Variants in PCDHA11 observed in about 807,000 individuals in gnomAD.
The protein encoded by PCDHA11 is protocadherin alpha 11, also known as protocadherin alpha-11.
In PCDHA11, 61 loss-of-function variants were observed where a neutral mutation model predicts 70.3. That is an observed-to-expected ratio of 0.87 (90% confidence interval 0.71 to 1.07). The LOEUF is 1.07. Ranked by LOEUF, PCDHA11 falls within the 50% of genes least tolerant of loss-of-function variation. PCDHA11 has a pLI of 0.00. For missense variants in PCDHA11, 1,324 were observed against 1,237.5 expected (o/e 1.07, Z -1.05); for synonymous variants, 633 against 555.1 (o/e 1.14, Z -1.97).
intron 3 of PCDHA11, among the ~76,000 whole-genome samples, chr5:141,006,862 A>G (rs1188678069): frequency 4.6e-5 from 7 of 152,244 alleles, no homozygotes; most frequent in Non-Finnish European, 1.0e-4. Flanking sequence ...TTAGAAAGGA[A>G]TAGATTCGAG....
chr5:140,925,441 T>G (rs1458646143), intron 1 of PCDHA11, among the ~76,000 whole-genome samples: 1 of 152,136 alleles, frequency 6.6e-6, no homozygotes, highest in African/African-American at 2.4e-5. Context: ...TTAGGCAGAA[T>G]TTGGGTGTAT....
Position 140,946,631 on chromosome 5 carries a change from T to TATATATATATATATACAC in PCDHA11, c.2392-32317_2392-32316insTATATATATATATACACA, listed in dbSNP as rs57893927. 8.0e-4 allele frequency among the ~76,000 whole-genome samples: 106 copies of TATATATATATATATACAC among 131,838 alleles called. 2 individuals carry two copies. The East Asian group carries it at 0.018, about 23-fold the overall frequency. 86.5% of individuals were successfully genotyped at this position (131,838 alleles called of 152,430 possible). A position where few individuals can be genotyped will look rare whatever the true frequency, so the allele number is the denominator to read the frequency against. On this transcript the variant is annotated intron_variant, in intron 1 of 3. Transcript: ENST00000398640. ...TGTGAAATATATATATATATATATA[T>TATATATATATATATACAC]ACAATGGAATACTCATCAGCCATTA...
At chr5:140,876,278 C>A (rs1554168451) in intron 1 of PCDHA11, 1 of 1,614,030 alleles carries the variant, frequency 6.2e-7, no homozygotes, top group South Asian at 1.1e-5. Flanking sequence ...GCTTCCGATC[C>A]AGACGAAGGA....
intron 1 of PCDHA11, among the ~76,000 whole-genome samples, chr5:140,922,302 A>G (rs2080767601): frequency 6.6e-6 from 1 of 152,222 alleles, no homozygotes; most frequent in African/African-American, 2.4e-5. Flanking sequence ...AGGAGAGGAT[A>G]CCTTTCACTG....
intron 1 of PCDHA11, among the ~76,000 whole-genome samples, chr5:140,949,636 T>C (rs1047386786): frequency 1.3e-5 from 2 of 151,898 alleles, no homozygotes; most frequent in Non-Finnish European, 3.0e-5. Context: ...GGCATATTGC[T>C]TTTTGTTCAT....
At chr5:140,977,661 CTGCA>C (rs1554238727) in intron 1 of PCDHA11, among the ~76,000 whole-genome samples, 1 of 152,168 alleles carries the variant, frequency 6.6e-6, no homozygotes, top group Non-Finnish European at 1.5e-5. Flanking sequence ...GGCTAATTCT[CTGCA>C]TGCCAAATAT....
intron 1 of PCDHA11, among the ~76,000 whole-genome samples, chr5:140,892,084 C>G (rs1233800772): frequency 6.6e-6 from 1 of 151,992 alleles, no homozygotes; most frequent in African/African-American, 2.4e-5. Flanking sequence ...TTCTAGTTTC[C>G]TCTCGAAACT....
chr5:140,887,838 T>C (rs1434293324), intron 1 of PCDHA11, among the ~76,000 whole-genome samples: 1 of 152,210 alleles, frequency 6.6e-6, no homozygotes. Context: ...TGAATATCTT[T>C]TATTGACATA....
rs201793837 is a variant in PCDHA11 at position 141,003,710 on chromosome 5, A to G, written c.2540-5917A>G. Among the ~76,000 whole-genome samples, 7 of 152,316 alleles carry G rather than the reference A, an allele frequency of 4.6e-5. No homozygotes were observed. The East Asian group carries it at 1.2e-3, about 25-fold the overall frequency. On this transcript the variant is annotated intron_variant, in intron 3 of 3. Transcript: ENST00000398640. ...AAATATATCCCTACCAATTGTGAAG[A>G]TATCGGCTAATCCAATAAAAAAGCA... is the stretch of plus-strand genomic sequence containing the variant.
At chr5:140,995,390 C>A (rs1198231096) in intron 3 of PCDHA11, among the ~76,000 whole-genome samples, 1 of 152,088 alleles carries the variant, frequency 6.6e-6, no homozygotes, top group Non-Finnish European at 1.5e-5. Flanking sequence ...CAGGATAAAG[C>A]GGGATGGCTC....
intron 1 of PCDHA11, chr5:140,928,541 AC>A: frequency 3.7e-6 from 6 of 1,614,192 alleles, no homozygotes; most frequent in Non-Finnish European, 5.1e-6. Context: ...GATAGGAATG[AC>A]AATTATCCGG....
At chr5:140,876,561 T>G in intron 1 of PCDHA11, 2 of 1,614,162 alleles carry the variant, frequency 1.2e-6, no homozygotes, top group Non-Finnish European at 1.7e-6. Flanking sequence ...AAGAGGATGC[T>G]CAGGTGGGTA....
intron 1 of PCDHA11, chr5:140,926,735 G>A (rs2083511846): frequency 1.1e-5 from 12 of 1,140,634 alleles, no homozygotes; most frequent in African/African-American, 1.6e-5. Context: ...GCGTTCGGGA[G>A]GCGCAACGTC....
At chr5:140,905,343 G>C (rs2071757275) in intron 1 of PCDHA11, among the ~76,000 whole-genome samples, 1 of 152,148 alleles carries the variant, frequency 6.6e-6, no homozygotes, top group Non-Finnish European at 1.5e-5. Context: ...TCAGTTGGCT[G>C]TAAGTATTTG....
intron 1 of PCDHA11, among the ~76,000 whole-genome samples, chr5:140,950,804 A>G (rs1360919239): frequency 6.6e-6 from 1 of 152,090 alleles, no homozygotes; most frequent in African/African-American, 2.4e-5. Context: ...GTCTGGTTTT[A>G]CCATAGTAGG....
Position 140,913,960 on chromosome 5 carries a change from T to TA in PCDHA11, c.2391+42473dup, listed in dbSNP as rs201352444. 7.9e-3 allele frequency among the ~76,000 whole-genome samples: 1,207 copies of TA among 152,282 alleles called. 5 individuals are homozygous for TA. Among genetic ancestry groups the TA allele is most frequent in the African/African-American group, 0.019 (780 of 41,560 alleles). ...AAGAATCTTGATATGATATCATTTT[T>TA]AAAAAAATATTTTAGGACTTGTATT... On this transcript the variant is annotated intron_variant, in intron 1 of 3. Transcript: ENST00000398640.
intron 1 of PCDHA11, chr5:140,929,034 C>T (rs561529051): frequency 2.5e-6 from 4 of 1,614,158 alleles, no homozygotes; most frequent in East Asian, 4.5e-5. Flanking sequence ...CAGGCTGTTG[C>T]GCTCAGAGCT....
chr5:140,927,848 G>T (rs1295513512), intron 1 of PCDHA11: 2 of 1,614,180 alleles, frequency 1.2e-6, no homozygotes, highest in Middle Eastern at 3.3e-4. Context: ...GGTGTCTTTG[G>T]TTTAGCTAGC....
intron 1 of PCDHA11, among the ~76,000 whole-genome samples, chr5:140,960,717 TATTTTAGTCCATG>T (rs1244851083): frequency 3.3e-4 from 10 of 30,264 alleles, no homozygotes; most frequent in African/African-American, 2.5e-3. Flanking sequence ...ATACTCATCT[TATTTTAGTCCATG>T]ATTTTAGTCC....
Sources: allele counts gnomAD v4.1 joint callset (sites outside exome capture counted in the v4.1 genomes callset), GRCh38; gene constraint gnomAD v4.1.1; transcripts MANE v1.5; gene names NCBI Gene and HGNC (gene_info 2026-07-23, HGNC 2026-07-21).